Variants in CPHXL observed in about 807,000 individuals in gnomAD.
CPHXL encodes cytoplasmic polyadenylated homeobox like, also known as cytoplasmic polyadenylated homeobox-like protein.
At chr16:75,726,079 T>C (rs1256607668) in intron 1 of CPHXL, among the ~76,000 whole-genome samples, 1 of 149,202 alleles carries the variant, frequency 6.7e-6, no homozygotes, top group South Asian at 2.2e-4. Flanking sequence ...CAATTGAGGT[T>C]AAGAAAGATA....
At chr16:75,716,299 G>A (rs1017899061) in intron 2 of CPHXL, among the ~76,000 whole-genome samples, 1 of 152,124 alleles carries the variant, frequency 6.6e-6, no homozygotes, top group Non-Finnish European at 1.5e-5. Context: ...GATCCCACAG[G>A]TCGAGGGCTC....
chr16:75,719,472 A>T (rs970214261), intron 1 of CPHXL, among the ~76,000 whole-genome samples: 4 of 152,196 alleles, frequency 2.6e-5, no homozygotes, highest in Non-Finnish European at 5.9e-5. Flanking sequence ...CGCCTGGCTC[A>T]GAGGGTCCTA....
At chr16:75,720,721 G>C (rs909233295) in intron 1 of CPHXL, among the ~76,000 whole-genome samples, 4 of 149,240 alleles carry the variant, frequency 2.7e-5, no homozygotes, top group African/African-American at 1.0e-4. Flanking sequence ...TAGCAAGGCA[G>C]GCCAACATTC....
chr16:75,717,203 A>C (rs975266017), intron 2 of CPHXL, among the ~76,000 whole-genome samples: 22 of 152,280 alleles, frequency 1.4e-4, no homozygotes, highest in Admixed American at 5.2e-4. Context: ...ACCACCACTA[A>C]CTACAGCAGC....
At chr16:75,726,045 A>G (rs962501662) in intron 1 of CPHXL, among the ~76,000 whole-genome samples, 2 of 150,528 alleles carry the variant, frequency 1.3e-5, no homozygotes, top group Non-Finnish European at 2.9e-5. Context: ...ATGAAAATTA[A>G]TGAAAGAGGT....
At chr16:75,718,489 T>C (rs927221830) in intron 1 of CPHXL, 31 bp from the exon 2 acceptor site, 62 of 398,376 alleles carry the variant, frequency 1.6e-4, no homozygotes, top group African/African-American at 1.2e-3. Context: ...GAGAAGGGCA[T>C]TAGAGAATAT....
At chr16:75,724,229 C>T (rs1460850997) in intron 1 of CPHXL, among the ~76,000 whole-genome samples, 1 of 152,168 alleles carries the variant, frequency 6.6e-6, no homozygotes, top group African/African-American at 2.4e-5. Flanking sequence ...GACTTCATGT[C>T]TAAAACACCA....
In CPHXL at chr16:75,714,158, A is replaced by C. The variant is rs1316456354; in HGVS notation, c.*66T>G. On this transcript the variant is annotated 3_prime_UTR_variant, in exon 3 of 3. Transcript: ENST00000640559. ...TGACCTGCGACTGTGTTTCTCTGAC[A>C]CTTAGCACTACTTTGCAGAGTTGCA... 1.8e-5 allele frequency: 7 copies of C among 398,310 alleles called. No individual in the cohort carries two copies. The East Asian group carries it at 2.5e-4, about 14-fold the overall frequency. The allele number at this position is 398,310 out of a possible 1,614,324, so 24.7% of individuals were successfully genotyped here.
chr16:75,716,205 C>G (rs182319098), intron 2 of CPHXL, among the ~76,000 whole-genome samples: 4 of 152,244 alleles, frequency 2.6e-5, no homozygotes, highest in Non-Finnish European at 4.4e-5. Context: ...TTCCACACAC[C>G]AGGCAAACAG....
chr16:75,725,454 C>CTTT (rs1047915594), intron 1 of CPHXL, among the ~76,000 whole-genome samples: 2 of 137,822 alleles, frequency 1.5e-5, no homozygotes. Flanking sequence ...GTGGCTTCCT[C>CTTT]TTTTTTTTTT....
At chr16:75,725,130 T>A in intron 1 of CPHXL, among the ~76,000 whole-genome samples, 1 of 134,666 alleles carries the variant, frequency 7.4e-6, no homozygotes, top group African/African-American at 2.7e-5. Context: ...TGTTGTGGGG[T>A]CGGGGGAGGG....
chr16:75,726,007 G>T (rs1016136423), intron 1 of CPHXL, among the ~76,000 whole-genome samples: 7 of 152,014 alleles, frequency 4.6e-5, no homozygotes, highest in African/African-American at 1.4e-4. Flanking sequence ...ATTACCAAAA[G>T]AGGAAGCAGT....
intron 1 of CPHXL, among the ~76,000 whole-genome samples, chr16:75,724,830 G>A (rs966243774): frequency 5.3e-5 from 8 of 152,186 alleles, no homozygotes; most frequent in African/African-American, 1.9e-4. Flanking sequence ...GCACACGTAT[G>A]TTTATAGCAG....
rs920546319 is a variant in CPHXL at position 75,714,607 on chromosome 16, G to C, written c.835C>G (p.Leu279Val). 1.8e-5 allele frequency: 7 copies of C among 398,514 alleles called. No homozygotes were observed. The highest frequency in any genetic ancestry group is 3.6e-5 in the East Asian group (1 of 28,092). 24.7% of individuals were successfully genotyped at this position (398,514 alleles called of 1,614,324 possible). Residue 279 changes from leucine (L) to valine (V), a missense_variant, in exon 3 of 3, where the codon CTT (leucine) becomes GTT (valine). Leu to Val is a conservative substitution (Grantham distance 32, BLOSUM62 1). Transcript: ENST00000640559. Reference protein sequence around the residue: ...TKESQHASPFLLDYAQGAYGV... With the variant: ...TKESQHASPFVLDYAQGAYGV... ...TATGCACCTTGAGCGTAATCCAAAA[G>C]GAAAGGACTTGCATGCTGGCTTTCC...
intron 2 of CPHXL, among the ~76,000 whole-genome samples, chr16:75,717,063 C>A (rs1237306274): frequency 6.6e-6 from 1 of 152,202 alleles, no homozygotes; most frequent in Non-Finnish European, 1.5e-5. Context: ...GTCCAAGTAA[C>A]CTTTGAGTCC....
Position 75,718,421 on chromosome 16 carries a change from T to A in CPHXL, c.63A>T (p.Arg21Ser), listed in dbSNP as rs190149841. The change falls in exon 2 of 3, where the codon AGA (arginine) becomes AGT (serine). Residue 21 changes from arginine to serine, a missense_variant. Transcript: ENST00000640559. ...PAEEDHHNEE[R>S]QTKNKRKTKH... is the part of the protein sequence containing the mutation. ...TTGTTTTTCTTTTATTCTTTGTTTG[T>A]CTTTCTTCATTATGATGATCCTCTT... 102 of 398,670 alleles carry A rather than the reference T, an allele frequency of 2.6e-4. No individual in the cohort carries two copies. The East Asian group carries it at 3.0e-3, about 12-fold the overall frequency. 24.7% of individuals were successfully genotyped at this position (398,670 alleles called of 1,614,324 possible). A position where few individuals can be genotyped will look rare whatever the true frequency, so the allele number is the denominator to read the frequency against.
At chr16:75,723,956 C>G (rs1362782136) in intron 1 of CPHXL, among the ~76,000 whole-genome samples, 1 of 152,180 alleles carries the variant, frequency 6.6e-6, no homozygotes, top group African/African-American at 2.4e-5. Context: ...AGAGAGCCCT[C>G]AGAAATAATG....
chr16:75,716,992 C>T (rs918532706), intron 2 of CPHXL, among the ~76,000 whole-genome samples: 1 of 152,174 alleles, frequency 6.6e-6, no homozygotes, highest in Non-Finnish European at 1.5e-5. Flanking sequence ...CACACCTGTC[C>T]CTCCCTAGGT....
chr16:75,715,635 A>G lies in CPHXL; in HGVS notation c.220-413T>C, dbSNP rs187797707. Among the ~76,000 whole-genome samples the G allele has an allele frequency of 1.1e-3, 162 of 151,708 alleles. 1 individual carries two copies. The highest frequency in any genetic ancestry group is 3.7e-3 in the African/African-American group (154 of 41,350). On this transcript the variant is annotated intron_variant, in intron 2 of 2. Coordinates refer to ENST00000640559, the MANE Select transcript of CPHXL (RefSeq NM_001355613.1). ...TTCACACAACCCTGCTACTTTACTC[A>G]TACTCTCCCGCCAAGGAGAATTAGT...
Sources: allele counts gnomAD v4.1 joint callset (sites outside exome capture counted in the v4.1 genomes callset), GRCh38; gene constraint gnomAD v4.1.1; transcripts MANE v1.5; gene names NCBI Gene and HGNC (gene_info 2026-07-23, HGNC 2026-07-21).